PPAT: variants seen among roughly 807,000 people sequenced by gnomAD.
PPAT encodes the protein phosphoribosyl pyrophosphate amidotransferase, also known as amidophosphoribosyltransferase.
Under a neutral mutation model 60.2 loss-of-function variants are expected in PPAT, and 20 were observed. The ratio of observed to expected loss-of-function variants is 0.33; its 90% CI spans 0.23 to 0.48. The LOEUF (loss-of-function observed/expected upper bound fraction) is 0.48. PPAT is among the 20% of genes least tolerant of loss of function. PPAT has a pLI of 0.99. For synonymous variants in PPAT, 194 were observed against 215.1 expected, an observed-to-expected ratio of 0.90 and a Z score of 0.86; for missense variants, 349 against 629.6, an observed-to-expected ratio of 0.55 and a Z score of 4.77.
intron 1 of PPAT, among the ~76,000 whole-genome samples, chr4:56,415,706 T>C (rs1329943647): frequency 6.6e-6 from 1 of 152,202 alleles, no homozygotes; most frequent in Non-Finnish European, 1.5e-5. Context: ...CCTACTCTTT[T>C]ACATTACTGG....
intron 1 of PPAT, among the ~76,000 whole-genome samples, chr4:56,408,996 G>C (rs1271309083): frequency 6.6e-6 from 1 of 152,128 alleles, no homozygotes; most frequent in Non-Finnish European, 1.5e-5. Context: ...TTCCTACTTT[G>C]CAATGCTGAC....
At chr4:56,410,099 A>G (rs905032949) in intron 1 of PPAT, among the ~76,000 whole-genome samples, 16 of 152,328 alleles carry the variant, frequency 1.1e-4, no homozygotes, top group African/African-American at 3.1e-4. Flanking sequence ...AACCAATGTT[A>G]GAGGACTAGG....
At chr4:56,410,973 G>A (rs1716436442) in intron 1 of PPAT, 1 of 934,294 alleles carries the variant, frequency 1.1e-6, no homozygotes, top group Admixed American at 6.5e-5. Context: ...TTTATGAACT[G>A]TAAAAGTTCA....
chr4:56,422,341 TCC>T (rs1717079895), intron 1 of PPAT: 2 of 151,800 alleles, frequency 1.3e-5, no homozygotes, highest in South Asian at 4.2e-4. Flanking sequence ...CCAATATATA[TCC>T]CCTTATGTTC....
intron 3 of PPAT, chr4:56,404,108 C>A (rs1254872495): frequency 8.0e-6 from 3 of 375,954 alleles, no homozygotes; most frequent in East Asian, 7.6e-5. Context: ...TGGCTGGAGG[C>A]AATAGGAAAT....
In PPAT at chr4:56,396,883, G is replaced by GTT; in HGVS notation, c.1237-146_1237-145dup. The GTT allele has an allele frequency of 5.3e-5, 37 of 699,702 alleles. No individual in the cohort carries two copies. Among genetic ancestry groups the GTT allele is most frequent in the South Asian group, 1.4e-4 (4 of 28,708 alleles). The allele number at this position is 699,702 out of a possible 1,614,324, so 43.3% of individuals were successfully genotyped here. A position where few individuals can be genotyped will look rare whatever the true frequency, so the allele number is the denominator to read the frequency against. On this transcript the variant is annotated intron_variant, in intron 9 of 10. Transcript: ENST00000264220. This position sits in a 1 kb window ranked among gnomAD's most constrained non-coding sequence, Gnocchi z 4.6. The stretch of plus-strand genomic sequence containing the variant: ...ATTCTTTCTACAAAGCTGCTTCTTG[G>GTT]TTTTTTTTTTCTTTCACCTAATCAT...
Position 56,406,491 on chromosome 4 carries a change from G to T in PPAT, c.402+4C>A. 6.2e-7 allele frequency: 1 copy of T among 1,608,060 alleles called. No homozygotes were observed. Among genetic ancestry groups the T allele is most frequent in the Non-Finnish European group, 8.5e-7 (1 of 1,176,346 alleles). ...GCCTAGGGAAAACAAACAAACAAAC[G>T]TACCTTTTTCCTTAATCGAGCAGCA... On this transcript the variant is annotated splice_donor_region_variant and intron_variant, in intron 3 of 10. Transcript: ENST00000264220.
chr4:56,402,089 TCAAA>T lies in PPAT; in HGVS notation c.734+16_734+19del. 2.6e-6 allele frequency: 4 copies of T among 1,512,308 alleles called. No individual in the cohort carries two copies. Among genetic ancestry groups the T allele is most frequent in the Non-Finnish European group, 3.6e-6 (4 of 1,113,156 alleles). 93.7% of individuals were successfully genotyped at this position (1,512,308 alleles called of 1,614,324 possible). On this transcript the variant is annotated intron_variant, in intron 6 of 10. Coordinates refer to ENST00000264220, the MANE Select transcript of PPAT (RefSeq NM_002703.5). ...TTTCAACATGGGAAAATAAAATATGTCAAACAAGGTAAAACTTACCTTGCACCAA... is the reference window on the plus strand; with the variant it reads ...TTTCAACATGGGAAAATAAAATATGTCAAGGTAAAACTTACCTTGCACCAA...
chr4:56,397,779 C>T (rs1716011495), intron 9 of PPAT, among the ~76,000 whole-genome samples: 1 of 151,902 alleles, frequency 6.6e-6, no homozygotes, highest in African/African-American at 2.4e-5. Flanking sequence ...TGGTGGCTCA[C>T]ACCTGTAATC....
chr4:56,417,575 G>A (rs1716823359), intron 1 of PPAT, among the ~76,000 whole-genome samples: 6 of 152,108 alleles, frequency 3.9e-5, no homozygotes, highest in Admixed American at 3.3e-4. Context: ...GAGACCAGGA[G>A]TTCGAGACTA....
At position 56,417,850 on chromosome 4, in the gene PPAT, T is replaced by G. The variant is rs59959685; in HGVS notation, c.129-10134A>C. Among the ~76,000 whole-genome samples the G allele has an allele frequency of 7.4e-3, 984 of 133,074 alleles. 15 individuals carry two copies. The highest frequency in any genetic ancestry group is 0.025 in the African/African-American group (910 of 35,822). 87.3% of individuals were successfully genotyped at this position (133,074 alleles called of 152,430 possible). On this transcript the variant is annotated intron_variant, in intron 1 of 10. Transcript: ENST00000264220. ...TGAAGATTTGGTTTTTTGTTTTTTT[T>G]TTTTTTTTTGAGACAGAGTATTGCT... is the stretch of plus-strand genomic sequence containing the variant.
Position 56,412,309 on chromosome 4 carries a change from C to CT in PPAT, c.129-4594dup, listed in dbSNP as rs35987993. 9.2e-3 allele frequency among the ~76,000 whole-genome samples: 1,303 copies of CT among 142,070 alleles called. 19 individuals carry two copies. The highest frequency in any genetic ancestry group is 0.046 in the Admixed American group (651 of 14,062). The allele number at this position is 142,070 out of a possible 152,430, so 93.2% of individuals were successfully genotyped here. A position where few individuals can be genotyped will look rare whatever the true frequency, so the allele number is the denominator to read the frequency against. Reference sequence around the variant, plus strand: ...ATCAAACTCTCTATTCTCCCATCACCTTTTTTTTTTTTTTTAGAGAGAGGG... The same window carrying CT: ...ATCAAACTCTCTATTCTCCCATCACCTTTTTTTTTTTTTTTTAGAGAGAGGG... On this transcript the variant is annotated intron_variant, in intron 1 of 10. Coordinates refer to ENST00000264220, the MANE Select transcript of PPAT (RefSeq NM_002703.5).
At chr4:56,419,697 GT>G (rs1272756692) in intron 1 of PPAT, 1 of 982,288 alleles carries the variant, frequency 1.0e-6, no homozygotes, top group Non-Finnish European at 1.2e-6. Context: ...GCACTGGACT[GT>G]GCCAGAAGTC....
At chr4:56,424,875 G>A (rs960492406) in intron 1 of PPAT, among the ~76,000 whole-genome samples, 2 of 152,168 alleles carry the variant, frequency 1.3e-5, no homozygotes, top group African/African-American at 2.4e-5. Context: ...TTCTGGTATA[G>A]GACAGTCACA....
chr4:56,399,242 T>G lies in PPAT; in HGVS notation c.1173A>C (p.Ser391=). Residue 391 remains serine (S), a synonymous_variant, in exon 9 of 11, where the codon TCA becomes TCC. Coordinates refer to ENST00000264220, the MANE Select transcript of PPAT (RefSeq NM_002703.5). The part of the protein sequence containing the change: ...KGKRIVLVDD[S]IVRGNTISPI... ...GTGAGATGGTATTGCCTCTGACAAT[T>G]GAATCATCTACAAGAACAATTCTTT... is the stretch of plus-strand genomic sequence containing the variant. The G allele has an allele frequency of 6.2e-7, 1 of 1,614,028 alleles. No individual in the cohort carries two copies. The highest frequency in any genetic ancestry group is 8.5e-7 in the Non-Finnish European group (1 of 1,179,934).
At chr4:56,400,663 A>G (rs936495375) in intron 8 of PPAT, 121 bp downstream of exon 8, 39 of 1,123,494 alleles carry the variant, frequency 3.5e-5, no homozygotes, top group Middle Eastern at 3.3e-4. Context: ...AAACAAACCA[A>G]CATTAACCAC....
intron 3 of PPAT, among the ~76,000 whole-genome samples, chr4:56,406,234 A>G (rs538640286): frequency 8.5e-5 from 13 of 152,092 alleles, no homozygotes; most frequent in African/African-American, 3.1e-4. Context: ...CCATAAATCA[A>G]CTCTCCCAAA....
intron 1 of PPAT, chr4:56,410,407 A>T: frequency 4.3e-6 from 2 of 462,920 alleles, no homozygotes; most frequent in Non-Finnish European, 5.7e-6. Context: ...TGAACCAGTT[A>T]AACTACATCC....
Position 56,435,564 on chromosome 4 carries a change from G to T in PPAT, c.-87C>A. Reference sequence around the variant, plus strand: ...CTGCCAGCTCGGCCCGTCGAGCTCAGAAGCTCGCGCTCGCGACAGGCTCTT... The same window carrying T: ...CTGCCAGCTCGGCCCGTCGAGCTCATAAGCTCGCGCTCGCGACAGGCTCTT... On this transcript the variant is annotated 5_prime_UTR_variant, in exon 1 of 11. In the 5' UTR this introduces an upstream ATG that the reference lacks. Transcript: ENST00000264220. 1.2e-5 allele frequency: 19 copies of T among 1,597,548 alleles called. No homozygotes were observed. The highest frequency in any genetic ancestry group is 1.5e-5 in the Non-Finnish European group (17 of 1,170,370).
Sources: allele counts gnomAD v4.1 joint callset (sites outside exome capture counted in the v4.1 genomes callset), GRCh38; gene constraint gnomAD v4.1.1; non-coding constraint Gnocchi (gnomAD v3.1); transcripts MANE v1.5; gene names NCBI Gene and HGNC (gene_info 2026-07-23, HGNC 2026-07-21).